The following HM13 variants were observed in gnomAD, a reference collection of about 807,000 sequenced individuals.
HM13 encodes the protein signal peptide peptidase.
In HM13, 18 loss-of-function variants were observed where a neutral mutation model predicts 50.0. The observed-to-expected ratio is 0.36, with a 90% CI of 0.25 to 0.53. The LOEUF is 0.53. Ranked by LOEUF, HM13 falls within the 20% of genes least tolerant of loss-of-function variation. The probability of loss-of-function intolerance (pLI) is 0.90; values close to 1 mark genes in which losing one functional copy is unlikely to be tolerated. For synonymous variants in HM13, 197 were observed against 232.6 expected (o/e 0.85, Z 1.39); for missense variants, 393 against 552.4 (o/e 0.71, Z 2.89).
chr20:31,559,519 G>T, intron 8 of HM13, 92 bp from the exon 9 acceptor site: 1 of 1,253,544 alleles, frequency 8.0e-7, no homozygotes, highest in East Asian at 2.3e-5. Flanking sequence ...CTCCAAGATG[G>T]AACACCAGGT....
rs1984384032 is a variant in HM13, at chr20:31,557,601, C to T, written c.809-2010C>T. 2.6e-5 allele frequency among the ~76,000 whole-genome samples: 4 copies of T among 152,084 alleles called. 1 individual carries two copies. In the South Asian group the frequency reaches 8.3e-4, roughly 32 times the overall value. On this transcript the variant is annotated intron_variant, in intron 8 of 12. Transcript: ENST00000398174. ...TCCAGAATAACTGCAGTTGTCTGCT[C>T]TATCCCCAACCAACTCCCTACTCCT... is the stretch of plus-strand genomic sequence containing the variant.
At chr20:31,564,335 G>T (rs1304787488) in intron 10 of HM13, among the ~76,000 whole-genome samples, 1 of 152,144 alleles carries the variant, frequency 6.6e-6, no homozygotes, top group Non-Finnish European at 1.5e-5. Flanking sequence ...CCAGCACGTT[G>T]GGAGGCAAAA....
At chr20:31,553,045 C>T (rs969292720) in intron 7 of HM13, among the ~76,000 whole-genome samples, 1 of 152,086 alleles carries the variant, frequency 6.6e-6, no homozygotes, top group African/African-American at 2.4e-5. Flanking sequence ...CGCCTGTAAT[C>T]CCAGCACTTT....
intron 2 of HM13, chr20:31,535,747 G>T (rs750568124): frequency 6.6e-6 from 1 of 152,234 alleles, no homozygotes; most frequent in Non-Finnish European, 1.5e-5. Context: ...GGGTACTGGG[G>T]ATACTGAAGT....
At chr20:31,548,800 C>G in intron 4 of HM13, 1 of 573,282 alleles carries the variant, frequency 1.7e-6, no homozygotes, top group Middle Eastern at 4.7e-4. Context: ...GCTTGTAAGT[C>G]TCTCTCTGGG....
chr20:31,531,088 A>G (rs1158130977), intron 2 of HM13, among the ~76,000 whole-genome samples: 2 of 152,164 alleles, frequency 1.3e-5, no homozygotes, highest in African/African-American at 4.8e-5. Flanking sequence ...TCTGTTGCCC[A>G]GGCTGGAGTG....
chr20:31,532,278 A>G (rs889536255), intron 2 of HM13, among the ~76,000 whole-genome samples: 1 of 152,026 alleles, frequency 6.6e-6, no homozygotes, highest in Non-Finnish European at 1.5e-5. Context: ...TACAAAAACT[A>G]TCAGGGTGTG....
intron 11 of HM13, 79 bp from the exon 12 acceptor site, chr20:31,567,999 T>G: frequency 7.8e-7 from 1 of 1,281,814 alleles, no homozygotes; most frequent in African/African-American, 1.5e-5. Flanking sequence ...CTCTGCTCCT[T>G]GGAAAGGAAG....
At chr20:31,523,043 T>TG (rs112544862) in intron 1 of HM13, among the ~76,000 whole-genome samples, 3,497 of 134,834 alleles carry the variant, frequency 0.026, 185 homozygotes, top group African/African-American at 0.083. Flanking sequence ...GGGTTTTTTT[T>TG]GGGAGGGGGG....
At position 31,564,937 on chromosome 20, in the gene HM13, A is replaced by G. The variant is rs567184220; in HGVS notation, c.949-1273A>G. Among the ~76,000 whole-genome samples, 244 of 151,894 alleles carry G rather than the reference A, an allele frequency of 1.6e-3. 1 individual carries two copies. The highest frequency in any genetic ancestry group is 2.3e-3 in the Non-Finnish European group (154 of 67,934). On this transcript the variant is annotated intron_variant, in intron 10 of 12. Transcript: ENST00000398174. ...TCCCAGCACTTTGGGAGGCCAAGGC[A>G]GGCAGATCACAAGGTCAAGAGATCG...
chr20:31,535,998 G>A (rs1983083766), intron 2 of HM13, among the ~76,000 whole-genome samples: 1 of 152,188 alleles, frequency 6.6e-6, no homozygotes, highest in African/African-American at 2.4e-5. Flanking sequence ...AACTCCAGGA[G>A]TCATCCTTCT....
At chr20:31,549,408 G>C in intron 6 of HM13, 76 bp downstream of exon 6, 11 of 1,590,370 alleles carry the variant, frequency 6.9e-6, no homozygotes, top group Non-Finnish European at 9.5e-6. Flanking sequence ...TCTGGCCCAA[G>C]TTGCAGTCAT....
At chr20:31,547,845 A>C (rs2122619580) in intron 4 of HM13, 1 of 937,388 alleles carries the variant, frequency 1.1e-6, no homozygotes, top group East Asian at 2.4e-5. Flanking sequence ...TTATGTGTCC[A>C]GGTTTAACTT....
chr20:31,539,013 A>G, intron 3 of HM13: 4 of 918,298 alleles, frequency 4.4e-6, no homozygotes, highest in Non-Finnish European at 3.9e-6. Context: ...CACACCACTA[A>G]TAAGCAACAG....
In HM13 at chr20:31,514,498, G is replaced by T. The variant is rs998816065; in HGVS notation, c.-54G>T. 12 of 1,558,040 alleles carry T rather than the reference G, an allele frequency of 7.7e-6. No homozygotes were observed. Among genetic ancestry groups the T allele is most frequent in the Middle Eastern group, 4.6e-4 (2 of 4,324 alleles). On this transcript the variant is annotated 5_prime_UTR_variant, in exon 1 of 13. Coordinates refer to ENST00000398174, the MANE Select transcript of HM13 (RefSeq NM_178581.3). This position sits in a 1 kb window ranked among gnomAD's most constrained non-coding sequence, Gnocchi z 4.3. ...CCCTGCAGAGCCGGTGTCTCCGCCT[G>T]CGTCCCTGCTGCAGCAACCGGAGCT...
chr20:31,552,381 A>G (rs1225694530), intron 7 of HM13, among the ~76,000 whole-genome samples: 1 of 152,202 alleles, frequency 6.6e-6, no homozygotes, highest in African/African-American at 2.4e-5. Flanking sequence ...GAGGCTGGAA[A>G]GAGGTGGGCA....
Position 31,566,229 on chromosome 20 carries a change from T to A in HM13, c.968T>A (p.Val323Asp). Reference sequence around the variant, plus strand: ...TCATAGCCTGCCCTCCTATACCTGGTCCCCGCCTGCATCGGTTTTCCTGTC... The same window carrying A: ...TCATAGCCTGCCCTCCTATACCTGGACCCCGCCTGCATCGGTTTTCCTGTC... Reference protein sequence around the residue: ...KHAQPALLYLVPACIGFPVLV... With the variant: ...KHAQPALLYLDPACIGFPVLV... The change falls in exon 11 of 13, where the codon GTC becomes GAC. Residue 323 changes from valine to aspartate, a missense_variant. By Grantham distance (152) the Val-to-Asp change is radical. Around this residue, in one of 3 missense-constraint regions of HM13, gnomAD observed 74 missense variants for 160.4 expected, o/e 0.46. Coordinates refer to ENST00000398174, the MANE Select transcript of HM13 (RefSeq NM_178581.3). 6.2e-7 allele frequency: 1 copy of A among 1,613,764 alleles called. No homozygotes were observed. Among genetic ancestry groups the A allele is most frequent in the Non-Finnish European group, 8.5e-7 (1 of 1,179,870 alleles).
chr20:31,515,867 G>T (rs1180914041), intron 1 of HM13, among the ~76,000 whole-genome samples: 1 of 152,140 alleles, frequency 6.6e-6, no homozygotes, highest in Non-Finnish European at 1.5e-5. Flanking sequence ...CCAGACCTGA[G>T]GATGGACCTA....
intron 4 of HM13, chr20:31,548,197 G>T (rs565584113): frequency 7.4e-6 from 5 of 671,842 alleles, no homozygotes; most frequent in African/African-American, 3.6e-5. Flanking sequence ...ACAAATCAGG[G>T]TGCTCTTACC....
Sources: gnomAD v4.1 joint callset for allele counts (sites outside exome capture counted in the v4.1 genomes callset) on GRCh38, gnomAD v4.1.1 for gene constraint, gnomAD v4.1.1 regional missense constraint, Gnocchi (gnomAD v3.1) non-coding constraint, MANE v1.5 for transcripts, NCBI Gene and HGNC (gene_info 2026-07-23, HGNC 2026-07-21) for gene names.